The following DACH1 variants were observed in gnomAD, a reference collection of about 807,000 sequenced individuals.
DACH1 encodes dachshund family transcription factor 1.
A neutral mutation model predicts 54.2 loss-of-function variants in DACH1; 12 were observed. The ratio of observed to expected loss-of-function variants is 0.22; its 90% CI spans 0.14 to 0.36. The LOEUF is 0.36. Ranked by LOEUF, DACH1 falls within the 10% of genes least tolerant of loss-of-function variation. The probability of loss-of-function intolerance (pLI) is 1.00; values close to 1 mark genes in which losing one functional copy is unlikely to be tolerated. For synonymous variants in DACH1, 386 were observed against 366.2 expected, an observed-to-expected ratio of 1.05 and a Z score of -0.62; for missense variants, 805 against 929.8, an observed-to-expected ratio of 0.87 and a Z score of 1.75.
intron 1 of DACH1, chr13:71,704,193 A>G: frequency 4.4e-6 from 1 of 228,938 alleles, no homozygotes; most frequent in Non-Finnish European, 8.7e-6. Context: ...GAGAAAAACA[A>G]AGGGAAAGAA....
chr13:71,670,879 A>G (rs1052720334), intron 2 of DACH1, among the ~76,000 whole-genome samples: 1 of 152,058 alleles, frequency 6.6e-6, no homozygotes. Flanking sequence ...GGTGAAAGAA[A>G]TGAAGAATCA....
intron 10 of DACH1, among the ~76,000 whole-genome samples, chr13:71,465,192 G>T (rs1395765582): frequency 6.6e-6 from 1 of 151,876 alleles, no homozygotes; most frequent in Non-Finnish European, 1.5e-5. Context: ...TATATGCTTA[G>T]AATGTCTAAA....
At chr13:71,816,293 G>C (rs545149838) in intron 1 of DACH1, among the ~76,000 whole-genome samples, 3 of 151,952 alleles carry the variant, frequency 2.0e-5, no homozygotes, top group Non-Finnish European at 4.4e-5. Flanking sequence ...TAGATCAGGG[G>C]CATGTGACCC....
intron 3 of DACH1, among the ~76,000 whole-genome samples, chr13:71,616,239 T>G (rs1351983098): frequency 6.6e-6 from 1 of 152,138 alleles, no homozygotes; most frequent in African/African-American, 2.4e-5. Flanking sequence ...AGGTAGATAT[T>G]ACAGAGTATT....
chr13:71,667,345 T>G (rs1047627123), intron 2 of DACH1, among the ~76,000 whole-genome samples: 1 of 152,176 alleles, frequency 6.6e-6, no homozygotes, highest in Non-Finnish European at 1.5e-5. Context: ...TAGGCAGAAT[T>G]TGCTGGACAG....
chr13:71,675,038 G>A (rs529689314), intron 2 of DACH1: 10 of 859,938 alleles, frequency 1.2e-5, no homozygotes, highest in East Asian at 1.0e-4. Context: ...GAAGAGAAGG[G>A]GGGTAAGTAA....
chr13:71,485,051 G>A (rs978477610), intron 7 of DACH1, among the ~76,000 whole-genome samples: 3 of 150,616 alleles, frequency 2.0e-5, no homozygotes, highest in Non-Finnish European at 4.4e-5. Flanking sequence ...GGGAGACTCC[G>A]TCTTAAATTT....
intron 10 of DACH1, among the ~76,000 whole-genome samples, chr13:71,469,991 A>T (rs902854012): frequency 6.6e-6 from 1 of 152,202 alleles, no homozygotes; most frequent in South Asian, 2.1e-4. Context: ...CAACTTGCAG[A>T]TAGTCTAAGA....
At chr13:71,768,747 T>G (rs886123866) in intron 1 of DACH1, among the ~76,000 whole-genome samples, 4 of 151,950 alleles carry the variant, frequency 2.6e-5, no homozygotes, top group African/African-American at 9.7e-5. Context: ...ATCTATTGTT[T>G]GCCAAATTCC....
intron 1 of DACH1, among the ~76,000 whole-genome samples, chr13:71,835,678 T>C (rs543028787): frequency 6.6e-6 from 1 of 152,130 alleles, no homozygotes; most frequent in South Asian, 2.1e-4. Context: ...ACAGAATTAG[T>C]AATATTGTTT....
intron 3 of DACH1, among the ~76,000 whole-genome samples, chr13:71,615,563 C>T (rs1875697077): frequency 6.6e-6 from 1 of 152,134 alleles, no homozygotes; most frequent in Non-Finnish European, 1.5e-5. Context: ...TTCCTGTGTG[C>T]CCGTACTTTT....
intron 6 of DACH1, among the ~76,000 whole-genome samples, chr13:71,534,085 C>A (rs959808320): frequency 6.6e-5 from 10 of 151,994 alleles, no homozygotes; most frequent in African/African-American, 2.4e-4. Flanking sequence ...TACAAGAAGA[C>A]ACTATCAGTA....
At chr13:71,832,867 A>G (rs1383700473) in intron 1 of DACH1, among the ~76,000 whole-genome samples, 1 of 151,988 alleles carries the variant, frequency 6.6e-6, no homozygotes, top group Non-Finnish European at 1.5e-5. Context: ...TTTTATATAT[A>G]GATAACTCCT....
intron 2 of DACH1, among the ~76,000 whole-genome samples, chr13:71,671,293 G>GA (rs1222328889): frequency 3.8e-4 from 56 of 146,970 alleles, no homozygotes; most frequent in Middle Eastern, 3.5e-3. Context: ...CTTTCAATTG[G>GA]AAAAAAAAAA....
In DACH1 at chr13:71,859,154, C is replaced by T. The variant is rs575741990; in HGVS notation, c.848+6768G>A. On this transcript the variant is annotated intron_variant, in intron 1 of 10. Transcript: ENST00000613252. Reference sequence around the variant, plus strand: ...ATACATTTAAATGTGCAGAAGAATCCCAGCTTGAAATCCTGGATCAATTCC... The same window carrying T: ...ATACATTTAAATGTGCAGAAGAATCTCAGCTTGAAATCCTGGATCAATTCC... Among the ~76,000 whole-genome samples the T allele has an allele frequency of 9.2e-5, 14 of 151,762 alleles. No individual in the cohort carries two copies. The South Asian group carries it at 2.9e-3, about 32-fold the overall frequency.
intron 1 of DACH1, among the ~76,000 whole-genome samples, chr13:71,857,412 G>A (rs1259817835): frequency 2.0e-5 from 3 of 151,578 alleles, no homozygotes; most frequent in Admixed American, 2.0e-4. Context: ...ATTTTCCTAA[G>A]TTATTTGTCC....
chr13:71,768,605 G>A (rs1478356227), intron 1 of DACH1, among the ~76,000 whole-genome samples: 1 of 151,876 alleles, frequency 6.6e-6, no homozygotes, highest in Non-Finnish European at 1.5e-5. Context: ...TGAGCTTCAT[G>A]GATGACATAT....
At chr13:71,641,513 C>T (rs568637926) in intron 2 of DACH1, among the ~76,000 whole-genome samples, 2 of 152,014 alleles carry the variant, frequency 1.3e-5, no homozygotes, top group Non-Finnish European at 2.9e-5. Context: ...ACAAAGAAAA[C>T]GTGAATAGTG....
intron 2 of DACH1, among the ~76,000 whole-genome samples, chr13:71,636,549 AAAT>A (rs368128838): frequency 0.13 from 19,170 of 146,798 alleles, 2,448 homozygotes; most frequent in African/African-American, 0.33. Context: ...CACAAAGTAA[AAAT>A]AATAATAATA....
Sources: gnomAD v4.1 joint callset for allele counts (sites outside exome capture counted in the v4.1 genomes callset) on GRCh38, gnomAD v4.1.1 for gene constraint, MANE v1.5 for transcripts, NCBI Gene and HGNC (gene_info 2026-07-23, HGNC 2026-07-21) for gene names.